AGPAT3: variants seen among roughly 807,000 people sequenced by gnomAD.
AGPAT3 encodes 1-acylglycerol-3-phosphate O-acyltransferase 3.
Under a neutral mutation model 47.3 loss-of-function variants are expected in AGPAT3, and 5 were observed. The observed-to-expected ratio is 0.11, with a 90% CI of 0.06 to 0.22. The LOEUF is 0.22. Ranked by LOEUF, AGPAT3 falls within the 10% of genes least tolerant of loss-of-function variation. The pLI, the probability that AGPAT3 is intolerant of heterozygous loss-of-function variation, is 1.00. For synonymous variants in AGPAT3, 212 were observed against 208.3 expected (o/e 1.02, Z -0.15); for missense variants, 315 against 493.0 (o/e 0.64, Z 3.42).
At chr21:43,875,894 C>T (rs1447060066) in intron 1 of AGPAT3, among the ~76,000 whole-genome samples, 1 of 152,226 alleles carries the variant, frequency 6.6e-6, no homozygotes, top group African/African-American at 2.4e-5. Flanking sequence ...AGGTGTGAGC[C>T]ACCGTGCCCA....
In AGPAT3 at chr21:43,882,367, A is replaced by T. The variant is rs181849944; in HGVS notation, c.-112+17022A>T. Among the ~76,000 whole-genome samples the T allele has an allele frequency of 1.6e-4, 25 of 152,400 alleles. No individual in the cohort carries two copies. In the East Asian group the frequency reaches 2.3e-3, roughly 14 times the overall value. On this transcript the variant is annotated intron_variant, in intron 1 of 9. Transcript: ENST00000291572. ...GGATTTCAGATTGACACGTATTTCC[A>T]TCTGGAAACTCTTGCACGCGTTTGC...
intron 7 of AGPAT3, among the ~76,000 whole-genome samples, chr21:43,977,020 C>T (rs1454343689): frequency 2.6e-5 from 4 of 152,126 alleles, no homozygotes; most frequent in African/African-American, 9.7e-5. Flanking sequence ...ACTCAAATTC[C>T]AACTGACTTT....
rs1038623975 is a variant in AGPAT3 at position 43,914,544 on chromosome 21, T to TTTTGC, written c.-49+10529_-49+10530insCTTTG. The stretch of plus-strand genomic sequence containing the variant: ...CCATGTAGAGGTTTTTTTTGTTTTG[T>TTTTGC]TTTGTTTTGTTTTGTTTTGTTTTAG... On this transcript the variant is annotated intron_variant, in intron 2 of 9. Coordinates refer to ENST00000291572, the MANE Select transcript of AGPAT3 (RefSeq NM_020132.5). 6.2e-4 allele frequency among the ~76,000 whole-genome samples: 91 copies of TTTTGC among 147,272 alleles called. 1 individual carries two copies. Among genetic ancestry groups the TTTTGC allele is most frequent in the African/African-American group, 2.4e-3 (88 of 37,020 alleles).
In AGPAT3 at chr21:43,939,485, A is replaced by G. The variant is rs1385950162; in HGVS notation, c.-48-20149A>G. 6.6e-6 allele frequency among the ~76,000 whole-genome samples: 1 copy of G among 152,170 alleles called. No homozygotes were observed. The highest frequency in any genetic ancestry group is 2.4e-5 in the African/African-American group (1 of 41,448). On this transcript the variant is annotated intron_variant, in intron 2 of 9. Coordinates refer to ENST00000291572, the MANE Select transcript of AGPAT3 (RefSeq NM_020132.5). The surrounding 1 kb of genome is among the most constrained non-coding windows in gnomAD (Gnocchi z 4.4). ...GGGACGTGCCTGACTTCTGGAGGAT[A>G]AGAGGCGGCCCACCCCACAGCTCTT...
intron 3 of AGPAT3, chr21:43,965,794 G>C (rs2089092143): frequency 1.3e-5 from 2 of 151,936 alleles, no homozygotes; most frequent in African/African-American, 4.8e-5. Flanking sequence ...TTATTTTTAA[G>C]TAGAGATGGG....
At chr21:43,904,210 C>T (rs2086431871) in intron 2 of AGPAT3, among the ~76,000 whole-genome samples, 191 bp downstream of exon 2, 1 of 152,200 alleles carries the variant, frequency 6.6e-6, no homozygotes, top group Non-Finnish European at 1.5e-5. Flanking sequence ...ATATTTATTA[C>T]AGTCCCTTCT....
chr21:43,941,695 A>C (rs1225901758), intron 2 of AGPAT3, among the ~76,000 whole-genome samples: 1 of 152,224 alleles, frequency 6.6e-6, no homozygotes, highest in African/African-American at 2.4e-5. Flanking sequence ...ACCTGGGGCT[A>C]CCGCGAGTGT....
At chr21:43,898,505 C>A (rs2086278626) in intron 1 of AGPAT3, among the ~76,000 whole-genome samples, 2 of 152,188 alleles carry the variant, frequency 1.3e-5, no homozygotes, top group African/African-American at 4.8e-5. Context: ...ATGCCCCTTA[C>A]AACTAATAGA....
chr21:43,883,470 G>A (rs1047463988), intron 1 of AGPAT3, among the ~76,000 whole-genome samples: 2 of 152,190 alleles, frequency 1.3e-5, no homozygotes, highest in African/African-American at 2.4e-5. Flanking sequence ...CCTGGGCCCC[G>A]GGAGCCATTT....
rs556864770 is a variant in AGPAT3, at chr21:43,944,930, G to A, written c.-48-14704G>A. ...CCTCAGGGGCTTCCCTCCCCAGCCC[G>A]CCTGGAGACATCATCACTGACTCAG... On this transcript the variant is annotated intron_variant, in intron 2 of 9. Transcript: ENST00000291572. Among the ~76,000 whole-genome samples the A allele has an allele frequency of 6.4e-4, 97 of 152,316 alleles. 1 individual carries two copies. Among genetic ancestry groups the A allele is most frequent in the African/African-American group, 2.1e-3 (89 of 41,562 alleles).
At chr21:43,874,811 A>G (rs1358244210) in intron 1 of AGPAT3, among the ~76,000 whole-genome samples, 2 of 152,142 alleles carry the variant, frequency 1.3e-5, no homozygotes, top group Admixed American at 6.5e-5. Context: ...TCTTTCAGCA[A>G]TTCTGGAAAA....
intron 7 of AGPAT3, among the ~76,000 whole-genome samples, chr21:43,974,227 T>C (rs1228652626): frequency 6.6e-6 from 1 of 152,068 alleles, no homozygotes; most frequent in African/African-American, 2.4e-5. Context: ...ATTATCTATG[T>C]GTGTATAAAT....
intron 1 of AGPAT3, among the ~76,000 whole-genome samples, chr21:43,870,334 G>A (rs2085597310): frequency 1.3e-5 from 2 of 152,180 alleles, no homozygotes; most frequent in Admixed American, 1.3e-4. Flanking sequence ...TTGTCGTGCA[G>A]TTCAGTTCCA....
intron 2 of AGPAT3, among the ~76,000 whole-genome samples, chr21:43,957,308 G>A (rs974205163): frequency 1.3e-5 from 2 of 152,198 alleles, no homozygotes; most frequent in Non-Finnish European, 2.9e-5. Context: ...GGCCACAGTG[G>A]GGGCAGCTGG....
intron 2 of AGPAT3, among the ~76,000 whole-genome samples, chr21:43,927,417 TATCA>T (rs2087094147): frequency 1.3e-5 from 2 of 152,194 alleles, no homozygotes; most frequent in Non-Finnish European, 2.9e-5. Context: ...GCTGTGAGGC[TATCA>T]GGGCTGGTGC....
chr21:43,910,639 C>G (rs1368038247), intron 2 of AGPAT3, among the ~76,000 whole-genome samples: 5 of 152,112 alleles, frequency 3.3e-5, no homozygotes, highest in Non-Finnish European at 4.4e-5. Flanking sequence ...GGTGGGTGTT[C>G]CGGTCACTGC....
intron 1 of AGPAT3, among the ~76,000 whole-genome samples, chr21:43,877,442 T>G (rs1475613378): frequency 2.6e-5 from 4 of 152,106 alleles, no homozygotes. Flanking sequence ...CCTGAAATGG[T>G]GCTATTCTTT....
In AGPAT3 at chr21:43,970,719, G is replaced by A; in HGVS notation, c.577G>A (p.Ala193Thr). The change falls in exon 6 of 10, where the codon GCT becomes ACT. Residue 193 changes from alanine to threonine, a missense_variant. Physicochemically the swap from Ala to Thr is moderately conservative, Grantham distance 58. Coordinates refer to ENST00000291572, the MANE Select transcript of AGPAT3 (RefSeq NM_020132.5). The surrounding 1 kb of genome is among the most constrained non-coding windows in gnomAD (Gnocchi z 5.8). ...GCACCGCGTTAGCATGGAGGTGGCG[G>A]CTGCTAAGGGGCTTCCTGTCCTCAA... is the stretch of plus-strand genomic sequence containing the variant. ...TKHRVSMEVA[A>T]AKGLPVLKYH... The A allele has an allele frequency of 1.9e-6, 3 of 1,613,570 alleles. No individual in the cohort carries two copies. Among genetic ancestry groups the A allele is most frequent in the East Asian group, 2.2e-5 (1 of 44,842 alleles).
At chr21:43,973,108 TAAACA>T in intron 7 of AGPAT3, among the ~76,000 whole-genome samples, 1 of 152,206 alleles carries the variant, frequency 6.6e-6, no homozygotes, top group Non-Finnish European at 1.5e-5. Flanking sequence ...TTTGTGAACA[TAAACA>T]TAAGCTAGGT....
Sources: allele counts gnomAD v4.1 joint callset (sites outside exome capture counted in the v4.1 genomes callset), GRCh38; gene constraint gnomAD v4.1.1; non-coding constraint Gnocchi (gnomAD v3.1); transcripts MANE v1.5; gene names NCBI Gene and HGNC (gene_info 2026-07-23, HGNC 2026-07-21).